Variants in PSME3IP1 observed in about 807,000 individuals in gnomAD.
PSME3IP1 encodes PSME3-interacting protein.
Under a neutral mutation model 34.1 loss-of-function variants are expected in PSME3IP1, and 13 were observed. The observed-to-expected ratio is 0.38, with a 90% CI of 0.25 to 0.61. PSME3IP1 has a LOEUF of 0.61. PSME3IP1 is among the 20% of genes least tolerant of loss of function. The pLI is 0.60. For missense variants in PSME3IP1, 237 were observed against 301.4 expected (o/e 0.79, Z 1.58); for synonymous variants, 93 against 114.3 (o/e 0.81, Z 1.19).
intron 1 of PSME3IP1, among the ~76,000 whole-genome samples, chr16:57,184,815 CTT>C (rs1185673046): frequency 6.6e-6 from 1 of 152,244 alleles, no homozygotes; most frequent in Non-Finnish European, 1.5e-5. Flanking sequence ...GACATGAAGA[CTT>C]CAGTTGAGAA....
intron 4 of PSME3IP1, among the ~76,000 whole-genome samples, chr16:57,170,889 A>G (rs570480270): frequency 8.5e-4 from 129 of 152,318 alleles, no homozygotes; most frequent in African/African-American, 3.0e-3. Context: ...CCTGACCAAT[A>G]TGATGAAACC....
chr16:57,173,873 C>A lies in PSME3IP1; in HGVS notation c.-15-4G>T. On this transcript the variant is annotated splice_region_variant and splice_polypyrimidine_tract_variant and intron_variant, in intron 1 of 6. Transcript: ENST00000309137. ...CATCCATAATGAAACAACCAATCTA[C>A]AAAACAAAAACAAAAACAAAAAAAA... is the stretch of plus-strand genomic sequence containing the variant. The A allele has an allele frequency of 6.3e-7, 1 of 1,596,928 alleles. No individual in the cohort carries two copies. Among genetic ancestry groups the A allele is most frequent in the Admixed American group, 1.8e-5 (1 of 56,258 alleles).
chr16:57,167,950 C>T (rs944543816), intron 4 of PSME3IP1, among the ~76,000 whole-genome samples: 2 of 152,306 alleles, frequency 1.3e-5, no homozygotes, highest in East Asian at 1.9e-4. Context: ...ATCAGTTTTT[C>T]GTTCTTGATG....
At chr16:57,172,463 T>C in intron 3 of PSME3IP1, 91 bp from the exon 4 acceptor site, 1 of 1,367,032 alleles carries the variant, frequency 7.3e-7, no homozygotes, top group Non-Finnish European at 1.0e-6. Flanking sequence ...AGCAGATTCT[T>C]CAGGGGATTA....
intron 1 of PSME3IP1, among the ~76,000 whole-genome samples, chr16:57,181,065 TA>T (rs1190589801): frequency 2.7e-5 from 4 of 150,904 alleles, no homozygotes; most frequent in African/African-American, 4.9e-5. Context: ...AAAAAGAAGT[TA>T]AAAAAAAAGT....
At chr16:57,176,270 C>T (rs1459513331) in intron 1 of PSME3IP1, among the ~76,000 whole-genome samples, 2 of 152,204 alleles carry the variant, frequency 1.3e-5, no homozygotes, top group African/African-American at 2.4e-5. Context: ...TTTCTTATCC[C>T]CTATTAACCG....
intron 5 of PSME3IP1, among the ~76,000 whole-genome samples, chr16:57,165,153 T>TTA (rs142649591): frequency 0.036 from 5,329 of 147,446 alleles, 201 homozygotes; most frequent in African/African-American, 0.097. Context: ...TAAGACACTG[T>TTA]TATATATATA....
chr16:57,164,510 A>G (rs2071625464), intron 5 of PSME3IP1, among the ~76,000 whole-genome samples: 1 of 152,272 alleles, frequency 6.6e-6, no homozygotes, highest in South Asian at 2.1e-4. Flanking sequence ...ATTTCAATGA[A>G]GAAAGAAATG....
Position 57,186,018 on chromosome 16 carries a change from TCCTGTTCCTCA to T in PSME3IP1, c.-224_-214del. 1 of 984,948 alleles carries T rather than the reference TCCTGTTCCTCA, an allele frequency of 1.0e-6. No individual in the cohort carries two copies. The highest frequency in any genetic ancestry group is 1.2e-6 in the Non-Finnish European group (1 of 829,880). The allele number at this position is 984,948 out of a possible 1,614,324, so 61.0% of individuals were successfully genotyped here. On this transcript the variant is annotated 5_prime_UTR_variant, in exon 1 of 7. Coordinates refer to ENST00000309137, the MANE Select transcript of PSME3IP1 (RefSeq NM_024946.4). ...GTATTTCTTTTGACCCTTCAGGGCTTCCTGTTCCTCACCGCCACAATAGAGTCCCGCCCCAC... is the reference window on the plus strand; with the variant it reads ...GTATTTCTTTTGACCCTTCAGGGCTTCCGCCACAATAGAGTCCCGCCCCAC...
chr16:57,182,738 C>T (rs897387471), intron 1 of PSME3IP1, among the ~76,000 whole-genome samples: 2 of 150,964 alleles, frequency 1.3e-5, no homozygotes, highest in South Asian at 4.2e-4. Flanking sequence ...GGTGAAACTC[C>T]GTCTCTACTA....
chr16:57,168,790 C>T (rs1471787325), intron 4 of PSME3IP1, among the ~76,000 whole-genome samples: 6 of 103,690 alleles, frequency 5.8e-5, no homozygotes, highest in African/African-American at 1.5e-4. Context: ...GTAACAAGAG[C>T]GAAACTCTGT....
intron 6 of PSME3IP1, among the ~76,000 whole-genome samples, chr16:57,162,056 A>G (rs1407537211): frequency 6.6e-6 from 1 of 152,008 alleles, no homozygotes; most frequent in Non-Finnish European, 1.5e-5. Flanking sequence ...AGGCATAGCC[A>G]GCAGCCCGAC....
intron 4 of PSME3IP1, among the ~76,000 whole-genome samples, chr16:57,167,443 C>A (rs1232203203): frequency 6.6e-6 from 1 of 152,140 alleles, no homozygotes; most frequent in Non-Finnish European, 1.5e-5. Context: ...AGATAAGCAA[C>A]CTTTTCCTCT....
rs1241286266 is a variant in PSME3IP1, at chr16:57,186,000, T to G, written c.-195A>C. ...AAAATAGCCTTTGCTTTTGTATTTC[T>G]TTTGACCCTTCAGGGCTTCCTGTTC... On this transcript the variant is annotated 5_prime_UTR_variant, in exon 1 of 7. Coordinates refer to ENST00000309137, the MANE Select transcript of PSME3IP1 (RefSeq NM_024946.4). 3.0e-6 allele frequency: 3 copies of G among 985,354 alleles called. No individual in the cohort carries two copies. The highest frequency in any genetic ancestry group is 3.6e-6 in the Non-Finnish European group (3 of 829,916). 61.0% of individuals were successfully genotyped at this position (985,354 alleles called of 1,614,324 possible). A position where few individuals can be genotyped will look rare whatever the true frequency, so the allele number is the denominator to read the frequency against.
intron 4 of PSME3IP1, 67 bp from the exon 5 acceptor site, chr16:57,167,293 C>T (rs757748458): frequency 8.9e-6 from 14 of 1,569,638 alleles, no homozygotes; most frequent in Admixed American, 1.7e-5. Flanking sequence ...ACTAGCCCTT[C>T]GGCTGTGCGA....
At chr16:57,155,356 C>T (rs531369422) in intron 6 of PSME3IP1, among the ~76,000 whole-genome samples, 1 of 152,304 alleles carries the variant, frequency 6.6e-6, no homozygotes, top group African/African-American at 2.4e-5. Flanking sequence ...GGCATGGTGG[C>T]TTATGCGTAT....
Position 57,172,804 on chromosome 16 carries a change from C to G in PSME3IP1, c.198G>C (p.Gln66His), listed in dbSNP as rs762119081. ...ATTTGAACTGTTCCTCGTACTCCTG[C>G]TGCTTCCTGTCCTTCTGTTCCTGTA... ...ERLQEQKDRK[Q>H]QEYEEQFKFK... The change falls in exon 3 of 7, where the codon CAG (glutamine) becomes CAC (histidine). Residue 66 changes from glutamine to histidine, a missense_variant. Transcript: ENST00000309137. The G allele has an allele frequency of 1.2e-6, 2 of 1,613,472 alleles. No individual in the cohort carries two copies. Among genetic ancestry groups the G allele is most frequent in the African/African-American group, 2.7e-5 (2 of 74,932 alleles).
intron 6 of PSME3IP1, among the ~76,000 whole-genome samples, chr16:57,163,253 T>C (rs2071484840): frequency 6.6e-6 from 1 of 152,164 alleles, no homozygotes; most frequent in South Asian, 2.1e-4. Context: ...CTCCTTTTTT[T>C]TTCCCCCAGA....
At chr16:57,183,885 A>G (rs1445348251) in intron 1 of PSME3IP1, among the ~76,000 whole-genome samples, 2 of 152,212 alleles carry the variant, frequency 1.3e-5, no homozygotes, top group Admixed American at 6.5e-5. Context: ...AAAGAACTAC[A>G]GCTTCAAAGT....
Sources: allele counts gnomAD v4.1 joint callset (sites outside exome capture counted in the v4.1 genomes callset), GRCh38; gene constraint gnomAD v4.1.1; transcripts MANE v1.5; gene names NCBI Gene and HGNC (gene_info 2026-07-23, HGNC 2026-07-21).